Variants in PCDHA11 observed in about 807,000 individuals in gnomAD.
PCDHA11 encodes protocadherin alpha-11.
In PCDHA11, 61 loss-of-function variants were observed where a neutral mutation model predicts 70.3. The ratio of observed to expected loss-of-function variants is 0.87; its 90% confidence interval spans 0.71 to 1.07. PCDHA11 has a LOEUF of 1.07. PCDHA11 is among the 50% of genes least tolerant of loss of function. The probability of loss-of-function intolerance (pLI) is 0.00; values close to 1 mark genes in which losing one functional copy is unlikely to be tolerated. For missense variants in PCDHA11, 1,324 were observed against 1,237.5 expected, an observed-to-expected ratio of 1.07 and a Z score of -1.05; for synonymous variants, 633 against 555.1, an observed-to-expected ratio of 1.14 and a Z score of -1.97.
At chr5:140,877,500 A>G (rs781878840) in intron 1 of PCDHA11, 80 of 1,613,694 alleles carry the variant, frequency 5.0e-5, no homozygotes, top group Non-Finnish European at 6.6e-5. Flanking sequence ...GCCAGGCCCC[A>G]AAGACGTCGT....
intron 1 of PCDHA11, chr5:140,876,669 C>T: frequency 6.2e-7 from 1 of 1,614,186 alleles, no homozygotes; most frequent in Non-Finnish European, 8.5e-7. Context: ...AGCTGGTGTC[C>T]ACCTACAAGA....
chr5:140,997,866 TG>T (rs1554256038), intron 3 of PCDHA11, among the ~76,000 whole-genome samples: 1 of 152,216 alleles, frequency 6.6e-6, no homozygotes, highest in African/African-American at 2.4e-5. Context: ...TTCTTATGCA[TG>T]CTTGCTAGTA....
chr5:140,932,346 A>C (rs529573484), intron 1 of PCDHA11, among the ~76,000 whole-genome samples: 1 of 151,954 alleles, frequency 6.6e-6, no homozygotes, highest in African/African-American at 2.4e-5. Context: ...AACACTTACC[A>C]TACAACTGGC....
chr5:140,877,868 T>A, intron 1 of PCDHA11: 1 of 1,488,916 alleles, frequency 6.7e-7, no homozygotes, highest in Non-Finnish European at 8.9e-7. Context: ...TTAGATATAT[T>A]TGTTTCCTTG....
At position 140,877,908 on chromosome 5, in the gene PCDHA11, T is replaced by C; in HGVS notation, c.2391+6414T>C. On this transcript the variant is annotated intron_variant, in intron 1 of 3. Coordinates refer to ENST00000398640, the MANE Select transcript of PCDHA11 (RefSeq NM_018902.5). The stretch of plus-strand genomic sequence containing the variant: ...ACTTCCGTTTAGGTTATAACTACAT[T>C]CTCTCATTTTTCTTTATGATTCTAT... 3 of 1,433,546 alleles carry C rather than the reference T, an allele frequency of 2.1e-6. No homozygotes were observed. The South Asian group carries it at 4.7e-5, about 22-fold the overall frequency. 88.8% of individuals were successfully genotyped at this position (1,433,546 alleles called of 1,614,324 possible).
chr5:140,875,817 G>C lies in PCDHA11; in HGVS notation c.2391+4323G>C, dbSNP rs1262566792. 3 of 1,614,090 alleles carry C rather than the reference G, an allele frequency of 1.9e-6. No homozygotes were observed. The highest frequency in any genetic ancestry group is 2.7e-5 in the African/African-American group (2 of 74,930). On this transcript the variant is annotated intron_variant, in intron 1 of 3. Coordinates refer to ENST00000398640, the MANE Select transcript of PCDHA11 (RefSeq NM_018902.5). ...AGGTGATCGTGGACAGGCCGCTGCA[G>C]GTTTTCCATGTGGACGTGGAGGTGA...
Position 140,870,829 on chromosome 5 carries a change from G to A in PCDHA11, c.1726G>A (p.Val576Ile). The A allele has an allele frequency of 6.2e-7, 1 of 1,613,790 alleles. No individual in the cohort carries two copies. The highest frequency in any genetic ancestry group is 8.5e-7 in the Non-Finnish European group (1 of 1,179,898). ...TCAGGCTGGCAGCGCGGGAGGCGCA[G>A]TTAACAAGCTAGTACCGCGGTCGGT... ...ATQAGSAGGA[V>I]NKLVPRSVGA... Residue 576 changes from valine (V) to isoleucine (I), a missense_variant, in exon 1 of 4, where the codon GTT becomes ATT. Transcript: ENST00000398640.
chr5:140,893,210 G>C (rs2063874103), intron 1 of PCDHA11, among the ~76,000 whole-genome samples: 1 of 152,204 alleles, frequency 6.6e-6, no homozygotes, highest in Non-Finnish European at 1.5e-5. Flanking sequence ...GTAAGTATGG[G>C]AGGTGCAGGT....
chr5:140,936,113 G>T (rs1316824905), intron 1 of PCDHA11, among the ~76,000 whole-genome samples: 1 of 151,964 alleles, frequency 6.6e-6, no homozygotes, highest in African/African-American at 2.4e-5. Flanking sequence ...GGCTGGTCTC[G>T]AACTCCTGAC....
intron 1 of PCDHA11, among the ~76,000 whole-genome samples, chr5:140,891,857 C>G (rs1202628035): frequency 6.6e-6 from 1 of 152,194 alleles, no homozygotes; most frequent in Non-Finnish European, 1.5e-5. Context: ...GCCTGTCCCT[C>G]TCTTATGCTT....
intron 1 of PCDHA11, among the ~76,000 whole-genome samples, chr5:140,911,672 C>T (rs1010402307): frequency 2.6e-5 from 4 of 152,154 alleles, no homozygotes; most frequent in Non-Finnish European, 5.9e-5. Flanking sequence ...TTGCCTCTCA[C>T]GAACCGTGCA....
chr5:140,972,754 C>T (rs782389999), intron 1 of PCDHA11, among the ~76,000 whole-genome samples: 1 of 151,316 alleles, frequency 6.6e-6, no homozygotes, highest in African/African-American at 2.4e-5. Flanking sequence ...ACCTCCGCCT[C>T]CCAAGTTAAA....
At chr5:140,872,294 T>C in intron 1 of PCDHA11, among the ~76,000 whole-genome samples, 1 of 152,190 alleles carries the variant, frequency 6.6e-6, no homozygotes, top group East Asian at 1.9e-4. Flanking sequence ...AAGCCTTGCA[T>C]TCTTATATGC....
In PCDHA11 at chr5:140,884,465, G is replaced by A. The variant is rs782791774; in HGVS notation, c.2391+12971G>A. 8.1e-6 allele frequency: 13 copies of A among 1,613,634 alleles called. No homozygotes were observed. In the South Asian group the frequency reaches 9.9e-5, roughly 12 times the overall value. ...GGCACCGCCCACCGAGGGCGCGTGCGCGCCGGGCAAGCCCACTCTAGTGTG... is the reference window on the plus strand; with the variant it reads ...GGCACCGCCCACCGAGGGCGCGTGCACGCCGGGCAAGCCCACTCTAGTGTG... On this transcript the variant is annotated intron_variant, in intron 1 of 3. Coordinates refer to ENST00000398640, the MANE Select transcript of PCDHA11 (RefSeq NM_018902.5).
chr5:140,942,590 A>G (rs868979857), intron 1 of PCDHA11, among the ~76,000 whole-genome samples: 1 of 148,658 alleles, frequency 6.7e-6, no homozygotes, highest in Admixed American at 6.8e-5. Context: ...GATGTCACAT[A>G]TAATTATAGT....
chr5:140,962,889 A>G (rs1554226313), intron 1 of PCDHA11, among the ~76,000 whole-genome samples: 2 of 152,220 alleles, frequency 1.3e-5, no homozygotes, highest in Admixed American at 6.5e-5. Flanking sequence ...GAATTAAAAA[A>G]TGAAAACTAG....
At chr5:140,881,353 G>T (rs537796043) in intron 1 of PCDHA11, 4 of 985,178 alleles carry the variant, frequency 4.1e-6, no homozygotes, top group Non-Finnish European at 4.8e-6. Context: ...GCTACAATGC[G>T]TGGCTTTCGT....
chr5:140,966,318 C>A, intron 1 of PCDHA11: 1 of 389,680 alleles, frequency 2.6e-6, no homozygotes, highest in African/African-American at 2.1e-5. Context: ...TCCTGCGGTC[C>A]GCTGGGATCC....
At chr5:140,947,106 C>T (rs1172898991) in intron 1 of PCDHA11, among the ~76,000 whole-genome samples, 2 of 151,140 alleles carry the variant, frequency 1.3e-5, no homozygotes, top group Non-Finnish European at 3.0e-5. Context: ...TAAATAGGTA[C>T]GTGTCAATTA....
Sources: gnomAD v4.1 joint callset for allele counts (sites outside exome capture counted in the v4.1 genomes callset) on GRCh38, gnomAD v4.1.1 for gene constraint, MANE v1.5 for transcripts, NCBI Gene and HGNC (gene_info 2026-07-23, HGNC 2026-07-21) for gene names.